Variants in MAMDC2 observed in about 807,000 individuals in gnomAD.
MAMDC2 encodes the protein MAM domain-containing protein 2.
A neutral mutation model predicts 89.8 loss-of-function variants in MAMDC2; 57 were observed. The observed-to-expected ratio is 0.63, with a 90% CI of 0.51 to 0.79. The LOEUF is 0.79. Ranked by LOEUF, MAMDC2 falls within the 30% of genes least tolerant of loss-of-function variation. The pLI is 0.00. For synonymous variants in MAMDC2, 313 were observed against 293.4 expected (o/e 1.07, Z -0.68); for missense variants, 800 against 820.6 (o/e 0.97, Z 0.31).
chr9:70,132,002 A>T (rs527417086), intron 7 of MAMDC2, among the ~76,000 whole-genome samples: 2 of 152,366 alleles, frequency 1.3e-5, no homozygotes, highest in African/African-American at 4.8e-5. Context: ...AATATATTTT[A>T]AAAACGCTTT....
chr9:70,119,974 A>G lies in MAMDC2; in HGVS notation c.644-6185A>G, dbSNP rs368829014. On this transcript the variant is annotated intron_variant, in intron 5 of 13. Coordinates refer to ENST00000377182, the MANE Select transcript of MAMDC2 (RefSeq NM_153267.5). ...TAGTGTTGACAGACAGGGATGAGCA[A>G]CTCTCTGGCTGACCATCTGTGAATC... Among the ~76,000 whole-genome samples the G allele has an allele frequency of 3.5e-4, 53 of 152,250 alleles. No homozygotes were observed. The South Asian group carries it at 9.5e-3, about 27-fold the overall frequency.
chr9:70,109,296 C>G (rs1384616248), intron 3 of MAMDC2: 1 of 160,346 alleles, frequency 6.2e-6, no homozygotes, highest in African/African-American at 2.4e-5. Context: ...AACTTCTTCC[C>G]AGCAGTTATC....
At chr9:70,202,928 T>G (rs1226885599) in intron 11 of MAMDC2, among the ~76,000 whole-genome samples, 1 of 150,700 alleles carries the variant, frequency 6.6e-6, no homozygotes, top group Non-Finnish European at 1.5e-5. Context: ...CTCCATCCTT[T>G]TATTTTGAGC....
Position 70,044,165 on chromosome 9 carries a change from C to A in MAMDC2, c.-33C>A. 6.2e-7 allele frequency: 1 copy of A among 1,613,480 alleles called. No individual in the cohort carries two copies. Among genetic ancestry groups the A allele is most frequent in the South Asian group, 1.1e-5 (1 of 91,080 alleles). On this transcript the variant is annotated 5_prime_UTR_variant, in exon 1 of 14. Transcript: ENST00000377182. ...AGTCCCAGCGGGCTGGCAACTTGCA[C>A]CCCTTCCTAGTCATCCTCCCTGAAA...
chr9:70,089,973 T>G (rs1827852592), intron 2 of MAMDC2, among the ~76,000 whole-genome samples: 1 of 152,164 alleles, frequency 6.6e-6, no homozygotes, highest in South Asian at 2.1e-4. Context: ...AGTTCTGCAT[T>G]GAAATGATTA....
chr9:70,047,012 A>G (rs538886200), intron 2 of MAMDC2, among the ~76,000 whole-genome samples: 1 of 152,328 alleles, frequency 6.6e-6, no homozygotes, highest in Non-Finnish European at 1.5e-5. Context: ...TAGGTTGGTA[A>G]ATTAAAGATA....
intron 2 of MAMDC2, among the ~76,000 whole-genome samples, chr9:70,054,680 G>A (rs1019080766): frequency 6.6e-6 from 1 of 151,826 alleles, no homozygotes; most frequent in African/African-American, 2.4e-5. Context: ...AAAAGAGGGG[G>A]GCTTCCTTGC....
At chr9:70,077,893 C>A (rs370250376) in intron 2 of MAMDC2, among the ~76,000 whole-genome samples, 5 of 150,462 alleles carry the variant, frequency 3.3e-5, no homozygotes, top group African/African-American at 1.2e-4. Flanking sequence ...CCAGCCCAAA[C>A]AACAAAAGGT....
chr9:70,183,027 C>T (rs1055572590), intron 11 of MAMDC2, among the ~76,000 whole-genome samples: 3 of 152,156 alleles, frequency 2.0e-5, no homozygotes, highest in African/African-American at 7.2e-5. Flanking sequence ...GGCTGTGTCC[C>T]AGAGATTCTG....
chr9:70,199,093 C>T (rs552869092), intron 11 of MAMDC2, among the ~76,000 whole-genome samples: 121 of 150,272 alleles, frequency 8.1e-4, no homozygotes, highest in African/African-American at 2.7e-3. Context: ...TTTTAGGGTA[C>T]ATGTGCACAT....
At chr9:70,223,177 T>C (rs2033597260) in intron 12 of MAMDC2, among the ~76,000 whole-genome samples, 2 of 151,028 alleles carry the variant, frequency 1.3e-5, no homozygotes, top group South Asian at 2.1e-4. Context: ...GTCTCCAAAT[T>C]TTCTTGTTTA....
At chr9:70,168,414 C>A (rs2118523146) in intron 9 of MAMDC2, among the ~76,000 whole-genome samples, 1 of 152,282 alleles carries the variant, frequency 6.6e-6, no homozygotes. Flanking sequence ...ATCACTTGAA[C>A]CCAGTAGGCA....
At chr9:70,106,608 C>G (rs1828348413) in intron 2 of MAMDC2, among the ~76,000 whole-genome samples, 1 of 152,188 alleles carries the variant, frequency 6.6e-6, no homozygotes, top group African/African-American at 2.4e-5. Context: ...GCACTTAGAA[C>G]AGCACTTGGG....
chr9:70,209,528 T>C (rs1433161930), intron 11 of MAMDC2, among the ~76,000 whole-genome samples: 1 of 122,054 alleles, frequency 8.2e-6, no homozygotes, highest in East Asian at 2.6e-4. Context: ...TGTTCTTTTT[T>C]ATTAGTCTGA....
At chr9:70,213,701 C>T (rs956538417) in intron 11 of MAMDC2, among the ~76,000 whole-genome samples, 8 of 151,978 alleles carry the variant, frequency 5.3e-5, no homozygotes, top group African/African-American at 1.7e-4. Context: ...ACCCCCTGTG[C>T]TTCTTGTGGA....
At chr9:70,204,280 G>A (rs986310911) in intron 11 of MAMDC2, among the ~76,000 whole-genome samples, 2 of 151,202 alleles carry the variant, frequency 1.3e-5, no homozygotes, top group Admixed American at 1.3e-4. Flanking sequence ...TAACAGACAG[G>A]ACCCTCAGCT....
intron 8 of MAMDC2, among the ~76,000 whole-genome samples, chr9:70,143,073 C>T (rs78417535): frequency 0.1 from 15,914 of 152,180 alleles, 1,655 homozygotes; most frequent in African/African-American, 0.27. Context: ...GTAGGCTCTG[C>T]CCAGACACAC....
chr9:70,126,114 C>G (rs2030526437), intron 5 of MAMDC2, 45 bp from the exon 6 acceptor site: 2 of 1,540,938 alleles, frequency 1.3e-6, no homozygotes, highest in East Asian at 2.3e-5. Flanking sequence ...TTCCCCTCCC[C>G]CACCCCCAAC....
At chr9:70,077,136 C>T (rs1050519634) in intron 2 of MAMDC2, among the ~76,000 whole-genome samples, 2 of 152,146 alleles carry the variant, frequency 1.3e-5, no homozygotes, top group African/African-American at 4.8e-5. Context: ...TCTAGGTTCT[C>T]TTATGGTTAG....
Sources: gnomAD v4.1 joint callset for allele counts (sites outside exome capture counted in the v4.1 genomes callset) on GRCh38, gnomAD v4.1.1 for gene constraint, MANE v1.5 for transcripts, NCBI Gene and HGNC (gene_info 2026-07-23, HGNC 2026-07-21) for gene names.